LRRC61: variants seen among roughly 807,000 people sequenced by gnomAD.
The protein encoded by LRRC61 is leucine-rich repeat-containing protein 61.
Under a neutral mutation model 15.1 loss-of-function variants are expected in LRRC61, and 9 were observed. That is an observed-to-expected ratio of 0.60 (90% CI 0.36 to 1.04). LRRC61 has a LOEUF of 1.04. Ranked by LOEUF, LRRC61 falls within the 50% of genes least tolerant of loss-of-function variation. LRRC61 has a pLI of 0.01. For synonymous variants in LRRC61, 173 were observed against 158.6 expected, an observed-to-expected ratio of 1.09 and a Z score of -0.68; for missense variants, 344 against 335.6, an observed-to-expected ratio of 1.03 and a Z score of -0.20.
intron 2 of LRRC61, chr7:150,332,477 T>C (rs1798141338): frequency 6.0e-6 from 1 of 167,104 alleles, no homozygotes. Flanking sequence ...CCCTTGCCTC[T>C]CCTGGATGGG....
At chr7:150,316,483 ATTTTTTT>A in the LRRC61 span, among the ~76,000 whole-genome samples, 7 of 80,540 alleles carry the variant, frequency 8.7e-5, no homozygotes, top group African/African-American at 2.8e-4. Flanking sequence ...GAATCTGGTT[ATTTTTTT>A]TTTTTTTTTT....
intron 2 of LRRC61, chr7:150,331,145 C>T (rs1214243384): frequency 3.2e-6 from 5 of 1,571,786 alleles, no homozygotes; most frequent in African/African-American, 1.4e-5. Flanking sequence ...AACAGCCCCA[C>T]CCTTGTAGAG....
chr7:150,321,551 C>G (rs1244318069), upstream of LRRC61, among the ~76,000 whole-genome samples: 1 of 152,118 alleles, frequency 6.6e-6, no homozygotes, highest in African/African-American at 2.4e-5. Context: ...ACCACCCTGG[C>G]CAATATGGCG....
In LRRC61 at chr7:150,333,793, C is replaced by T. The variant is rs949060665; in HGVS notation, c.-144-2925C>T. Reference sequence around the variant, plus strand: ...CGGGAAGCCATCCTCCTTGTGTCTGCGGGCAGCCTGATGGTTAGTTGGGTC... The same window carrying T: ...CGGGAAGCCATCCTCCTTGTGTCTGTGGGCAGCCTGATGGTTAGTTGGGTC... On this transcript the variant is annotated intron_variant, in intron 2 of 2. Coordinates refer to ENST00000359623, the MANE Select transcript of LRRC61 (RefSeq NM_001142928.2). This position sits in a 1 kb window ranked among gnomAD's most constrained non-coding sequence, Gnocchi z 4.3. Among the ~76,000 whole-genome samples the T allele has an allele frequency of 3.9e-5, 6 of 152,210 alleles. No homozygotes were observed. Among genetic ancestry groups the T allele is most frequent in the East Asian group, 1.9e-4 (1 of 5,192 alleles).
At chr7:150,316,642 C>T in the LRRC61 span, among the ~76,000 whole-genome samples, 13 of 152,026 alleles carry the variant, frequency 8.6e-5, no homozygotes, top group Non-Finnish European at 1.9e-4. Flanking sequence ...CGTGCCATCA[C>T]GCTCAGCTAA....
rs948677470 is a variant in LRRC61 at position 150,330,823 on chromosome 7, C to A, written c.-145+4813C>A. On this transcript the variant is annotated intron_variant, in intron 2 of 2. Transcript: ENST00000359623. This position sits in a 1 kb window ranked among gnomAD's most constrained non-coding sequence, Gnocchi z 4.6. ...GACCCCACCAGGGTAGCCAAGAGCT[C>A]CGGGGTGGAGGGGAGAAGCCAGGGG... is the stretch of plus-strand genomic sequence containing the variant. The A allele has an allele frequency of 6.2e-7, 1 of 1,609,974 alleles. No individual in the cohort carries two copies. Among genetic ancestry groups the A allele is most frequent in the South Asian group, 1.1e-5 (1 of 90,970 alleles).
chr7:150,334,688 C>G (rs1208439670), intron 2 of LRRC61, among the ~76,000 whole-genome samples: 4 of 152,236 alleles, frequency 2.6e-5, no homozygotes. Flanking sequence ...GTCTTCTTGT[C>G]TCCAACCTGT....
chr7:150,332,151 T>C (rs1243793513), intron 2 of LRRC61: 1 of 167,078 alleles, frequency 6.0e-6, no homozygotes, highest in Non-Finnish European at 1.5e-5. Flanking sequence ...AAGTCCCTTA[T>C]TTGGAAGAGA....
the LRRC61 span, among the ~76,000 whole-genome samples, chr7:150,310,941 G>T: frequency 6.6e-6 from 1 of 151,926 alleles, no homozygotes; most frequent in Non-Finnish European, 1.5e-5. Context: ...TACATATCTC[G>T]GCATAGTCCT....
intron 2 of LRRC61, among the ~76,000 whole-genome samples, chr7:150,334,640 C>T (rs57499785): frequency 0.039 from 5,929 of 152,332 alleles, 252 homozygotes; most frequent in East Asian, 0.13. Context: ...CTGAGCCCCA[C>T]GCCACACTCA....
In LRRC61 at chr7:150,337,241, T is replaced by C. The variant is rs1798333891; in HGVS notation, c.380T>C (p.Leu127Pro). The C allele has an allele frequency of 1.2e-6, 2 of 1,604,012 alleles. No homozygotes were observed. Among genetic ancestry groups the C allele is most frequent in the Non-Finnish European group, 1.7e-6 (2 of 1,179,888 alleles). ...GCTGGGCTACCGTGCCTGGAGTACC[T>C]GCGGCTCCGAGACCCTTTGGCCCGG... ...CLAGLPCLEY[L>P]RLRDPLARLS... The change falls in exon 3 of 3, where the codon CTG becomes CCG. Residue 127 changes from leucine to proline, a missense_variant. By Grantham distance (98) the Leu-to-Pro change is moderately conservative. Coordinates refer to ENST00000359623, the MANE Select transcript of LRRC61 (RefSeq NM_001142928.2).
rs762547365 is a variant in LRRC61 at position 150,334,172 on chromosome 7, A to G, written c.-144-2546A>G. On this transcript the variant is annotated intron_variant, in intron 2 of 2. Transcript: ENST00000359623. ...TGCTGAGCCATCATCTCCATCTAAAAAGCCACTGACCCAGTTCCTCAGGGC... is the reference window on the plus strand; with the variant it reads ...TGCTGAGCCATCATCTCCATCTAAAGAGCCACTGACCCAGTTCCTCAGGGC... 1.9e-4 allele frequency: 178 copies of G among 958,924 alleles called. 1 individual carries two copies. Among genetic ancestry groups the G allele is most frequent in the Non-Finnish European group, 2.2e-4 (174 of 806,056 alleles). The allele number at this position is 958,924 out of a possible 1,614,324, so 59.4% of individuals were successfully genotyped here.
the LRRC61 span, among the ~76,000 whole-genome samples, chr7:150,309,642 G>T: frequency 6.6e-6 from 1 of 152,086 alleles, no homozygotes; most frequent in Non-Finnish European, 1.5e-5. Context: ...CGCAAAACTG[G>T]CCACTAGACC....
rs1002876456 is a variant in LRRC61 at position 150,335,801 on chromosome 7, G to C, written c.-144-917G>C. 1.3e-5 allele frequency among the ~76,000 whole-genome samples: 2 copies of C among 152,128 alleles called. No individual in the cohort carries two copies. The highest frequency in any genetic ancestry group is 2.9e-5 in the Non-Finnish European group (2 of 68,016). ...GAGGTCCCTCCACCAGGCCACCCCTGCTTTGTGCCACAGTCATGCGCTGGC... is the reference window on the plus strand; with the variant it reads ...GAGGTCCCTCCACCAGGCCACCCCTCCTTTGTGCCACAGTCATGCGCTGGC... On this transcript the variant is annotated intron_variant, in intron 2 of 2. Coordinates refer to ENST00000359623, the MANE Select transcript of LRRC61 (RefSeq NM_001142928.2). The surrounding 1 kb of genome is among the most constrained non-coding windows in gnomAD (Gnocchi z 4.3).
At chr7:150,336,544 C>T (rs915616297) in intron 2 of LRRC61, among the ~76,000 whole-genome samples, 174 bp from the exon 3 acceptor site, 4 of 152,244 alleles carry the variant, frequency 2.6e-5, no homozygotes, top group African/African-American at 9.6e-5. Context: ...GTTGGGCCTG[C>T]ACCCCATCCC....
Position 150,330,546 on chromosome 7 carries a change from C to A in LRRC61, c.-145+4536C>A. The A allele has an allele frequency of 1.3e-6, 1 of 777,368 alleles. No homozygotes were observed. The highest frequency in any genetic ancestry group is 1.4e-5 in the South Asian group (1 of 73,992). 48.2% of individuals were successfully genotyped at this position (777,368 alleles called of 1,614,324 possible). A position where few individuals can be genotyped will look rare whatever the true frequency, so the allele number is the denominator to read the frequency against. Reference sequence around the variant, plus strand: ...CGGGGAGAGGGGCGCAGCCATCCAGCTGGCTGAGGGGTTGGCCCGGCAGCT... The same window carrying A: ...CGGGGAGAGGGGCGCAGCCATCCAGATGGCTGAGGGGTTGGCCCGGCAGCT... On this transcript the variant is annotated intron_variant, in intron 2 of 2. Coordinates refer to ENST00000359623, the MANE Select transcript of LRRC61 (RefSeq NM_001142928.2). This position sits in a 1 kb window ranked among gnomAD's most constrained non-coding sequence, Gnocchi z 4.6.
In LRRC61 at chr7:150,332,105, C is replaced by T. The variant is rs988096151; in HGVS notation, c.-144-4613C>T. 2.4e-5 allele frequency: 4 copies of T among 167,164 alleles called. No homozygotes were observed. The East Asian group carries it at 7.7e-4, about 32-fold the overall frequency. The allele number at this position is 167,164 out of a possible 1,614,324, so 10.4% of individuals were successfully genotyped here. A position where few individuals can be genotyped will look rare whatever the true frequency, so the allele number is the denominator to read the frequency against. ...GCTGCACACCCTGCCTGCCATCACC[C>T]TTGCCCCTGCTTGTCCTGGACCACT... On this transcript the variant is annotated intron_variant, in intron 2 of 2. Transcript: ENST00000359623.
the LRRC61 span, among the ~76,000 whole-genome samples, chr7:150,310,287 C>T: frequency 6.6e-6 from 1 of 152,124 alleles, no homozygotes; most frequent in African/African-American, 2.4e-5. Flanking sequence ...CGACCATGCA[C>T]CCCTTACCAT....
intron 2 of LRRC61, among the ~76,000 whole-genome samples, chr7:150,327,692 A>G (rs892063785): frequency 1.3e-5 from 2 of 152,004 alleles, no homozygotes; most frequent in African/African-American, 4.8e-5. Flanking sequence ...GTGTTGGTGT[A>G]CACCTGTAGT....
Sources: gnomAD v4.1 joint callset for allele counts (sites outside exome capture counted in the v4.1 genomes callset) on GRCh38, gnomAD v4.1.1 for gene constraint, Gnocchi (gnomAD v3.1) non-coding constraint, MANE v1.5 for transcripts, NCBI Gene and HGNC (gene_info 2026-07-23, HGNC 2026-07-21) for gene names.